FHIT: variants seen among roughly 807,000 people sequenced by gnomAD.
FHIT encodes fragile histidine triad diadenosine triphosphatase, also known as bis(5'-adenosyl)-triphosphatase.
In FHIT, 19 loss-of-function variants were observed where a neutral mutation model predicts 17.9. The observed-to-expected ratio is 1.06, with a 90% confidence interval of 0.74 to 1.56. FHIT has a LOEUF of 1.56. FHIT is among the 40% of genes most tolerant of loss of function. The pLI is 0.00. For missense variants in FHIT, 248 were observed against 189.2 expected (o/e 1.31, Z -1.82); for synonymous variants, 81 against 69.7 (o/e 1.16, Z -0.81).
chr3:59,810,788 A>G (rs1287630937), intron 8 of FHIT, among the ~76,000 whole-genome samples: 1 of 152,208 alleles, frequency 6.6e-6, no homozygotes, highest in Non-Finnish European at 1.5e-5. Context: ...TTCCAAGCTT[A>G]TAATTAAAGC....
chr3:60,789,175 T>G (rs11706267), intron 4 of FHIT, among the ~76,000 whole-genome samples: 32,280 of 102,284 alleles, frequency 0.32, 3,772 homozygotes, highest in Middle Eastern at 0.38. Flanking sequence ...TATATATATA[T>G]AGAGAGAGAG....
intron 5 of FHIT, among the ~76,000 whole-genome samples, chr3:60,180,887 A>G (rs1190710704): frequency 6.6e-6 from 1 of 152,176 alleles, no homozygotes; most frequent in African/African-American, 2.4e-5. Context: ...CAGTACTCAC[A>G]AAATTTAAAA....
intron 5 of FHIT, among the ~76,000 whole-genome samples, chr3:60,027,685 C>G (rs974259718): frequency 6.7e-6 from 1 of 150,260 alleles, no homozygotes; most frequent in Admixed American, 6.6e-5. Flanking sequence ...AAAACGTACT[C>G]TTAACTCAGA....
intron 4 of FHIT, among the ~76,000 whole-genome samples, chr3:60,694,179 G>T (rs978224701): frequency 4.6e-5 from 7 of 152,112 alleles, no homozygotes; most frequent in African/African-American, 1.7e-4. Context: ...GGAACAGTAA[G>T]ATGCTGACCT....
intron 5 of FHIT, among the ~76,000 whole-genome samples, chr3:60,399,516 G>A (rs1559883278): frequency 6.6e-6 from 1 of 152,190 alleles, no homozygotes. Context: ...GACTGCTTTT[G>A]TCTTGGATCT....
chr3:60,787,549 T>C (rs1700624549), intron 4 of FHIT, among the ~76,000 whole-genome samples: 1 of 152,252 alleles, frequency 6.6e-6, no homozygotes, highest in African/African-American at 2.4e-5. Flanking sequence ...CCTGTCTGCC[T>C]GTTCACCCCA....
At chr3:60,438,234 C>G (rs368713578) in intron 5 of FHIT, among the ~76,000 whole-genome samples, 59 of 152,138 alleles carry the variant, frequency 3.9e-4, no homozygotes, top group African/African-American at 1.3e-3. Flanking sequence ...CAGACTGACC[C>G]TGTGCTGATG....
chr3:60,695,070 A>G (rs573981165), intron 4 of FHIT, among the ~76,000 whole-genome samples: 1 of 152,154 alleles, frequency 6.6e-6, no homozygotes, highest in Non-Finnish European at 1.5e-5. Context: ...ATAATAATAA[A>G]AAAAAGAAAA....
At position 60,519,084 on chromosome 3, in the gene FHIT, G is replaced by A. The variant is rs1163479351; in HGVS notation, c.103+17776C>T. Among the ~76,000 whole-genome samples the A allele has an allele frequency of 2.0e-5, 3 of 152,258 alleles. No individual in the cohort carries two copies. The East Asian group carries it at 5.8e-4, about 29-fold the overall frequency. On this transcript the variant is annotated intron_variant, in intron 5 of 9. Coordinates refer to ENST00000492590, the MANE Select transcript of FHIT (RefSeq NM_002012.4). ...GTAGGTTAAAATCATGTTATAAAGT[G>A]TTTCTCTTTTTCAAGAGAAACATGT...
intron 5 of FHIT, among the ~76,000 whole-genome samples, chr3:60,058,455 A>G (rs948160677): frequency 4.6e-5 from 7 of 152,128 alleles, no homozygotes; most frequent in African/African-American, 1.4e-4. Flanking sequence ...TTGAGATGAC[A>G]GAAACTTCTG....
intron 3 of FHIT, among the ~76,000 whole-genome samples, chr3:60,937,188 CAAAG>C (rs1708227489): frequency 6.6e-6 from 1 of 152,144 alleles, no homozygotes; most frequent in Non-Finnish European, 1.5e-5. Context: ...GCAAATATTT[CAAAG>C]AAATGTAGAT....
chr3:60,080,434 T>C lies in FHIT; in HGVS notation c.104-66282A>G, dbSNP rs73830786. Among the ~76,000 whole-genome samples, 1,477 of 152,184 alleles carry C rather than the reference T, an allele frequency of 9.7e-3. 25 individuals are homozygous for C. Among genetic ancestry groups the C allele is most frequent in the African/African-American group, 0.034 (1,396 of 41,506 alleles). ...TCCCAGTTTCAAGTAAATAAAATAT[T>C]TGCATATTAGAGCCTCGTAGCCCTA... On this transcript the variant is annotated intron_variant, in intron 5 of 9. Transcript: ENST00000492590.
chr3:61,051,069 A>G (rs1453290115), intron 2 of FHIT, among the ~76,000 whole-genome samples: 1 of 152,212 alleles, frequency 6.6e-6, no homozygotes, highest in Non-Finnish European at 1.5e-5. Context: ...ATTATAAGTG[A>G]CTATCAATTA....
chr3:59,849,620 C>G (rs996719174), intron 8 of FHIT, among the ~76,000 whole-genome samples: 30 of 152,084 alleles, frequency 2.0e-4, no homozygotes, highest in Admixed American at 1.6e-3. Flanking sequence ...AACTTTCCAA[C>G]AGCACGTACC....
Position 60,578,690 on chromosome 3 carries a change from A to G in FHIT, c.-17-41711T>C, listed in dbSNP as rs1314627009. 9.2e-5 allele frequency among the ~76,000 whole-genome samples: 14 copies of G among 152,154 alleles called. 1 individual carries two copies. The highest frequency in any genetic ancestry group is 6.6e-4 in the Admixed American group (10 of 15,260). Reference sequence around the variant, plus strand: ...TTCAAACGTTCACATAAAACAAAATAGCCATCTCTAAGGAGAAAATGGGTA... The same window carrying G: ...TTCAAACGTTCACATAAAACAAAATGGCCATCTCTAAGGAGAAAATGGGTA... On this transcript the variant is annotated intron_variant, in intron 4 of 9. Transcript: ENST00000492590.
chr3:60,274,850 T>C (rs1003104011), intron 5 of FHIT, among the ~76,000 whole-genome samples: 1 of 152,132 alleles, frequency 6.6e-6, no homozygotes, highest in African/African-American at 2.4e-5. Context: ...AAAACACTCA[T>C]GTCAGCAAAT....
intron 5 of FHIT, among the ~76,000 whole-genome samples, chr3:60,332,742 C>G (rs961169743): frequency 1.3e-5 from 2 of 152,158 alleles, no homozygotes; most frequent in African/African-American, 4.8e-5. Context: ...TGAGCCATCC[C>G]TTCCTTGATT....
chr3:59,812,036 G>T (rs893096664), intron 8 of FHIT, among the ~76,000 whole-genome samples: 1 of 152,144 alleles, frequency 6.6e-6, no homozygotes, highest in African/African-American at 2.4e-5. Flanking sequence ...TTCTCAACTG[G>T]GGGAGATTCT....
intron 3 of FHIT, among the ~76,000 whole-genome samples, chr3:60,910,343 AG>A (rs1706673972): frequency 6.6e-6 from 1 of 151,272 alleles, no homozygotes; most frequent in South Asian, 2.1e-4. Flanking sequence ...GAGGACTGTG[AG>A]GGGGGTGAGA....
Sources: gnomAD v4.1 joint callset for allele counts (sites outside exome capture counted in the v4.1 genomes callset) on GRCh38, gnomAD v4.1.1 for gene constraint, MANE v1.5 for transcripts, NCBI Gene and HGNC (gene_info 2026-07-23, HGNC 2026-07-21) for gene names.